Variants in THSD4 observed in about 807,000 individuals in gnomAD.
THSD4 encodes the protein thrombospondin type-1 domain-containing protein 4.
Under a neutral mutation model 119.0 loss-of-function variants are expected in THSD4, and 69 were observed. That is an observed-to-expected ratio of 0.58 (90% CI 0.48 to 0.71). The LOEUF (loss-of-function observed/expected upper bound fraction) is 0.71. Among genes scored for constraint, THSD4 ranks in the 30% least tolerant of loss-of-function variants. THSD4 has a pLI of 0.00. For missense variants in THSD4, 1,393 were observed against 1,391.1 expected, an observed-to-expected ratio of 1.00 and a Z score of -0.02; for synonymous variants, 524 against 540.4, an observed-to-expected ratio of 0.97 and a Z score of 0.42.
chr15:71,481,038 A>G (rs1940111078), intron 7 of THSD4, among the ~76,000 whole-genome samples: 1 of 152,216 alleles, frequency 6.6e-6, no homozygotes, highest in African/African-American at 2.4e-5. Context: ...CCCTTGTTAG[A>G]CTTGTTTAAA....
chr15:71,431,900 C>T (rs1209150161), intron 7 of THSD4, among the ~76,000 whole-genome samples: 2 of 152,110 alleles, frequency 1.3e-5, no homozygotes, highest in African/African-American at 4.8e-5. Context: ...CATATTCTTA[C>T]ACTAAGGACA....
chr15:71,380,958 T>G (rs557106849), intron 6 of THSD4, among the ~76,000 whole-genome samples: 35 of 152,328 alleles, frequency 2.3e-4, no homozygotes, highest in Admixed American at 4.6e-4. Context: ...CAATTTAATG[T>G]CGTCCCTCTG....
At chr15:71,621,372 G>T (rs901917366) in intron 7 of THSD4, among the ~76,000 whole-genome samples, 5 of 152,166 alleles carry the variant, frequency 3.3e-5, no homozygotes, top group African/African-American at 1.2e-4. Context: ...AGTTGTCCCA[G>T]ATGAGGGATT....
At chr15:71,550,325 A>G (rs1160791273) in intron 7 of THSD4, among the ~76,000 whole-genome samples, 8 of 152,234 alleles carry the variant, frequency 5.3e-5, no homozygotes, top group African/African-American at 1.4e-4. Flanking sequence ...GATAAGACCA[A>G]TGAGACATTG....
intron 10 of THSD4, 77 bp downstream of exon 10, chr15:71,731,294 C>G: frequency 7.2e-7 from 1 of 1,387,326 alleles, no homozygotes; most frequent in Middle Eastern, 1.8e-4. Flanking sequence ...TCTTGTGCAT[C>G]CACCCTCTGT....
chr15:71,354,956 T>TA (rs1218014821), intron 6 of THSD4, among the ~76,000 whole-genome samples: 1 of 152,240 alleles, frequency 6.6e-6, no homozygotes, highest in Non-Finnish European at 1.5e-5. Flanking sequence ...TGCCTGTACT[T>TA]ACGTTTAGTG....
At chr15:71,194,776 T>G (rs1026297443) in intron 3 of THSD4, among the ~76,000 whole-genome samples, 2 of 152,154 alleles carry the variant, frequency 1.3e-5, no homozygotes, top group African/African-American at 4.8e-5. Context: ...GCACATTCAC[T>G]TCGGTGGCTC....
chr15:71,548,345 G>GT (rs2140853173), intron 7 of THSD4, among the ~76,000 whole-genome samples: 1 of 152,282 alleles, frequency 6.6e-6, no homozygotes, highest in Admixed American at 6.5e-5. Flanking sequence ...AATGAAAAGT[G>GT]TATCTCCTAA....
At chr15:71,367,971 C>T (rs553698847) in intron 6 of THSD4, among the ~76,000 whole-genome samples, 1 of 152,298 alleles carries the variant, frequency 6.6e-6, no homozygotes, top group South Asian at 2.1e-4. Context: ...TTAATGATCA[C>T]CATTCTAACT....
At chr15:71,156,973 T>C (rs2040784334) in intron 3 of THSD4, among the ~76,000 whole-genome samples, 2 of 152,214 alleles carry the variant, frequency 1.3e-5, no homozygotes, top group Admixed American at 1.3e-4. Flanking sequence ...TGCTGCATCA[T>C]CTCTATTCAT....
At chr15:71,727,531 T>TAA (rs368424121) in intron 8 of THSD4, among the ~76,000 whole-genome samples, 1 of 15,698 alleles carries the variant, frequency 6.4e-5, no homozygotes, top group African/African-American at 3.1e-4. Context: ...CCCCATCTCT[T>TAA]AAAAAAAAAA....
intron 7 of THSD4, among the ~76,000 whole-genome samples, chr15:71,427,381 T>C (rs1285766736): frequency 4.0e-5 from 6 of 151,862 alleles, no homozygotes; most frequent in African/African-American, 1.5e-4. Context: ...ATGAATGCTA[T>C]GAAGCATTCA....
intron 6 of THSD4, among the ~76,000 whole-genome samples, chr15:71,290,875 C>CTTTTTTTTTTTT (rs11438956): frequency 3.1e-5 from 4 of 129,474 alleles, no homozygotes; most frequent in Non-Finnish European, 3.2e-5. Flanking sequence ...TCCTTTTTTC[C>CTTTTTTTTTTTT]TTTTTTTTTT....
Position 71,378,108 on chromosome 15 carries a change from G to T in THSD4, c.1016-33579G>T, listed in dbSNP as rs114509842. ...CTGCATCTAAGGGGATAGCATTTACGTTGTAGATATCTTTATTTTGATTTT... is the reference window on the plus strand; with the variant it reads ...CTGCATCTAAGGGGATAGCATTTACTTTGTAGATATCTTTATTTTGATTTT... On this transcript the variant is annotated intron_variant, in intron 6 of 17. Transcript: ENST00000261862. Among the ~76,000 whole-genome samples, 744 of 152,190 alleles carry T rather than the reference G, an allele frequency of 4.9e-3. 6 individuals are homozygous for T. The highest frequency in any genetic ancestry group is 0.017 in the African/African-American group (721 of 41,514).
chr15:71,395,398 A>G (rs955060680), intron 6 of THSD4, among the ~76,000 whole-genome samples: 10 of 152,304 alleles, frequency 6.6e-5, no homozygotes, highest in African/African-American at 2.4e-4. Context: ...GCAGCTCACA[A>G]GGACTGGGCA....
chr15:71,160,772 AT>A (rs540846762), intron 3 of THSD4, among the ~76,000 whole-genome samples: 207 of 142,616 alleles, frequency 1.5e-3, no homozygotes, highest in East Asian at 2.5e-3. Flanking sequence ...TGATCTTAAA[AT>A]TTTTTTTTTT....
chr15:71,578,969 G>A (rs955801799), intron 7 of THSD4, among the ~76,000 whole-genome samples: 4 of 149,836 alleles, frequency 2.7e-5, no homozygotes, highest in Admixed American at 1.3e-4. Context: ...TCAGCCTCCC[G>A]AGTAGCTGGG....
intron 7 of THSD4, among the ~76,000 whole-genome samples, chr15:71,487,041 G>C (rs1256881526): frequency 6.6e-6 from 1 of 152,170 alleles, no homozygotes; most frequent in Non-Finnish European, 1.5e-5. Context: ...CACAGTCTCA[G>C]TTGTGAACTT....
intron 7 of THSD4, among the ~76,000 whole-genome samples, chr15:71,438,231 T>C (rs1475308352): frequency 2.0e-5 from 3 of 152,232 alleles, no homozygotes; most frequent in African/African-American, 7.2e-5. Context: ...TGCTGATCTT[T>C]TTCTTAACTT....
Sources: allele counts gnomAD v4.1 joint callset (sites outside exome capture counted in the v4.1 genomes callset), GRCh38; gene constraint gnomAD v4.1.1; transcripts MANE v1.5; gene names NCBI Gene and HGNC (gene_info 2026-07-23, HGNC 2026-07-21).